Variants in MALRD1 observed in about 807,000 individuals in gnomAD.
MALRD1 encodes the protein MAM and LDL receptor class A domain containing 1.
MALRD1 carries 247 observed loss-of-function variants against 242.1 expected under a neutral mutation model. The ratio of observed to expected loss-of-function variants is 1.02; its 90% confidence interval spans 0.92 to 1.13. The LOEUF (loss-of-function observed/expected upper bound fraction) is 1.13, where lower values mean the gene tolerates loss of function less well. Ranked by LOEUF, MALRD1 falls within the 50% of genes most tolerant of loss-of-function variation. The probability of loss-of-function intolerance (pLI) is 0.00; values close to 1 mark genes in which losing one functional copy is unlikely to be tolerated. For missense variants in MALRD1, 2,989 were observed against 2,533.1 expected (o/e 1.18, Z -3.86); for synonymous variants, 995 against 866.6 (o/e 1.15, Z -2.60).
At chr10:19,688,056 G>A (rs747423525) in intron 36 of MALRD1, among the ~76,000 whole-genome samples, 3 of 151,928 alleles carry the variant, frequency 2.0e-5, no homozygotes, top group Non-Finnish European at 4.4e-5. Flanking sequence ...TGCAAACTCC[G>A]CCTCCCAGGT....
chr10:19,334,148 C>T (rs1843509267), intron 24 of MALRD1, among the ~76,000 whole-genome samples: 2 of 59,938 alleles, frequency 3.3e-5, no homozygotes, highest in Admixed American at 4.7e-4. Flanking sequence ...TTTTTCTGTG[C>T]AGAGCTCTTT....
chr10:19,373,105 C>G (rs10740880), intron 26 of MALRD1, among the ~76,000 whole-genome samples: 88,229 of 150,160 alleles, frequency 0.59, 26,058 homozygotes, highest in Middle Eastern at 0.63. Context: ...AAAAATAATT[C>G]ATTGATGAAA....
chr10:19,325,589 A>G (rs933074085), intron 22 of MALRD1, among the ~76,000 whole-genome samples: 11 of 152,162 alleles, frequency 7.2e-5, no homozygotes, highest in Admixed American at 4.6e-4. Flanking sequence ...AAGCCAACTC[A>G]ATTTTGGAGC....
At chr10:19,712,862 G>T (rs1834197949) in intron 38 of MALRD1, among the ~76,000 whole-genome samples, 1 of 152,154 alleles carries the variant, frequency 6.6e-6, no homozygotes, top group African/African-American at 2.4e-5. Context: ...ATGAAAAATA[G>T]AAGTCAACCA....
At chr10:19,182,427 C>A (rs889152177) in intron 14 of MALRD1, among the ~76,000 whole-genome samples, 1 of 149,230 alleles carries the variant, frequency 6.7e-6, no homozygotes, top group African/African-American at 2.5e-5. Context: ...CGGGTTCACG[C>A]CATTCTCCTG....
At chr10:19,215,820 G>T (rs1042254827) in intron 18 of MALRD1, among the ~76,000 whole-genome samples, 5 of 51,704 alleles carry the variant, frequency 9.7e-5, no homozygotes, top group Admixed American at 2.6e-4. Flanking sequence ...TAAATAATTA[G>T]TATAAATACA....
chr10:19,355,236 A>C (rs1844567751), intron 26 of MALRD1, among the ~76,000 whole-genome samples: 1 of 152,142 alleles, frequency 6.6e-6, no homozygotes, highest in Admixed American at 6.6e-5. Context: ...TTATGTAGCT[A>C]TCTGAGATAT....
At chr10:19,450,621 AT>A in intron 29 of MALRD1, 131 bp downstream of exon 29, 1 of 820,894 alleles carries the variant, frequency 1.2e-6, no homozygotes, top group Non-Finnish European at 1.8e-6. Context: ...GAAAGGTATA[AT>A]TTTATAATTG....
intron 12 of MALRD1, among the ~76,000 whole-genome samples, chr10:19,162,655 C>A (rs1355222504): frequency 6.6e-6 from 1 of 151,998 alleles, no homozygotes; most frequent in Non-Finnish European, 1.5e-5. Flanking sequence ...ATTAAAATGT[C>A]AAAAAATAAC....
chr10:19,276,316 A>G lies in MALRD1; in HGVS notation c.3080-3731A>G, dbSNP rs114155677. 8.6e-4 allele frequency among the ~76,000 whole-genome samples: 131 copies of G among 151,974 alleles called. 1 individual carries two copies. The highest frequency in any genetic ancestry group is 2.9e-3 in the African/African-American group (122 of 41,518). On this transcript the variant is annotated intron_variant, in intron 19 of 39. Transcript: ENST00000454679. ...TTTAATTATATATATATATATTTTC[A>G]GTAAAATTATGTAAGTAAATTATGC...
At chr10:19,256,351 C>T (rs1839511404) in intron 18 of MALRD1, among the ~76,000 whole-genome samples, 1 of 152,018 alleles carries the variant, frequency 6.6e-6, no homozygotes, top group African/African-American at 2.4e-5. Flanking sequence ...TATGTTCTTT[C>T]AAATTCTGTC....
At chr10:19,459,652 T>C (rs1835834842) in intron 29 of MALRD1, among the ~76,000 whole-genome samples, 1 of 152,034 alleles carries the variant, frequency 6.6e-6, no homozygotes, top group Admixed American at 6.6e-5. Context: ...ACTTTAACAT[T>C]GTATTCAAGT....
chr10:19,670,061 C>T (rs1431686718), intron 36 of MALRD1, among the ~76,000 whole-genome samples: 5 of 133,438 alleles, frequency 3.7e-5, no homozygotes, highest in Non-Finnish European at 6.2e-5. Context: ...TCTTCCCTCG[C>T]ACGTGCACAC....
At chr10:19,250,419 T>C (rs761429212) in intron 18 of MALRD1, among the ~76,000 whole-genome samples, 36 of 152,074 alleles carry the variant, frequency 2.4e-4, no homozygotes, top group Non-Finnish European at 4.7e-4. Context: ...TCACATAATA[T>C]ATGAGATGCG....
At position 19,373,892 on chromosome 10, in the gene MALRD1, T is replaced by G. The variant is rs533392934; in HGVS notation, c.4442-13636T>G. Among the ~76,000 whole-genome samples, 233 of 152,308 alleles carry G rather than the reference T, an allele frequency of 1.5e-3. 1 individual carries two copies. Among genetic ancestry groups the G allele is most frequent in the African/African-American group, 5.0e-3 (208 of 41,570 alleles). The stretch of plus-strand genomic sequence containing the variant: ...TTCACTAGATATACAAGAACGCACA[T>G]TTATCAATTCAAAACAATTTGTGAC... On this transcript the variant is annotated intron_variant, in intron 26 of 39. Transcript: ENST00000454679.
intron 36 of MALRD1, among the ~76,000 whole-genome samples, chr10:19,686,620 C>T (rs1022416779): frequency 6.6e-6 from 1 of 152,118 alleles, no homozygotes; most frequent in Non-Finnish European, 1.5e-5. Context: ...TTTAGAGAGG[C>T]AGCTTAACAA....
At chr10:19,589,140 A>G (rs867269911) in intron 33 of MALRD1, among the ~76,000 whole-genome samples, 14 of 152,232 alleles carry the variant, frequency 9.2e-5, no homozygotes, top group Non-Finnish European at 1.8e-4. Flanking sequence ...CATACAATGT[A>G]CAGACTGAAA....
At chr10:19,341,041 T>C (rs1169679196) in intron 24 of MALRD1, among the ~76,000 whole-genome samples, 1 of 152,176 alleles carries the variant, frequency 6.6e-6, no homozygotes, top group Admixed American at 6.6e-5. Flanking sequence ...CTTTAGTTCC[T>C]TGTCAACATA....
intron 31 of MALRD1, among the ~76,000 whole-genome samples, chr10:19,525,634 T>TA (rs2131330459): frequency 6.6e-6 from 1 of 152,322 alleles, no homozygotes; most frequent in South Asian, 2.1e-4. Context: ...ATGCAAAATG[T>TA]AAAATCTGTG....
Sources: gnomAD v4.1 joint callset for allele counts (sites outside exome capture counted in the v4.1 genomes callset) on GRCh38, gnomAD v4.1.1 for gene constraint, MANE v1.5 for transcripts, NCBI Gene and HGNC (gene_info 2026-07-23, HGNC 2026-07-21) for gene names.